RBFOX1: variants seen among roughly 807,000 people sequenced by gnomAD.
RBFOX1 encodes the protein RNA binding protein fox-1 homolog 1.
A neutral mutation model predicts 57.7 loss-of-function variants in RBFOX1; 8 were observed. The observed-to-expected ratio is 0.14, with a 90% CI of 0.08 to 0.25. The LOEUF (loss-of-function observed/expected upper bound fraction) is 0.25. Among genes scored for constraint, RBFOX1 ranks in the 10% least tolerant of loss-of-function variants. RBFOX1 has a pLI of 1.00. For synonymous variants in RBFOX1, 326 were observed against 222.4 expected, an observed-to-expected ratio of 1.47 and a Z score of -4.15; for missense variants, 611 against 548.5, an observed-to-expected ratio of 1.11 and a Z score of -1.14.
intron 2 of RBFOX1, among the ~76,000 whole-genome samples, chr16:6,454,934 A>C (rs2094729124): frequency 7.2e-6 from 1 of 138,870 alleles, no homozygotes; most frequent in South Asian, 2.3e-4. Context: ...CCCAGGCTGG[A>C]GTACAGCGGC....
rs188791419 is a variant in RBFOX1 at position 6,794,415 on chromosome 16, C to T, written c.-16+139765C>T. On this transcript the variant is annotated intron_variant, in intron 3 of 15. Transcript: ENST00000550418. ...AAAAATGGGGTTTAATTACCTGCTGCTTTTCTATTGCTCAGATTCCCTTCA... is the reference window on the plus strand; with the variant it reads ...AAAAATGGGGTTTAATTACCTGCTGTTTTTCTATTGCTCAGATTCCCTTCA... Among the ~76,000 whole-genome samples, 13 of 151,392 alleles carry T rather than the reference C, an allele frequency of 8.6e-5. No homozygotes were observed. In the East Asian group the frequency reaches 2.5e-3, roughly 30 times the overall value.
chr16:5,500,461 A>G (rs565476499), intron 2 of RBFOX1, among the ~76,000 whole-genome samples: 6 of 151,994 alleles, frequency 3.9e-5, no homozygotes, highest in Non-Finnish European at 7.4e-5. Context: ...GACTCACGCA[A>G]TCGTCCCGCC....
chr16:7,118,907 G>A (rs937792869), intron 4 of RBFOX1, among the ~76,000 whole-genome samples: 1 of 152,232 alleles, frequency 6.6e-6, no homozygotes, highest in South Asian at 2.1e-4. Context: ...TTGTTGTTCT[G>A]GTTATGATAT....
chr16:7,605,280 T>C (rs759681882), intron 9 of RBFOX1, among the ~76,000 whole-genome samples: 3 of 152,162 alleles, frequency 2.0e-5, no homozygotes, highest in Non-Finnish European at 2.9e-5. Context: ...ACTATAGAAA[T>C]TCTTATAAGG....
chr16:6,985,847 A>AAAAAAAAC (rs1275784453), intron 3 of RBFOX1, among the ~76,000 whole-genome samples: 2 of 120,446 alleles, frequency 1.7e-5, no homozygotes, highest in Non-Finnish European at 4.0e-5. Flanking sequence ...AAAAAAAAAA[A>AAAAAAAAC]CAGAATTTTT....
intron 4 of RBFOX1, among the ~76,000 whole-genome samples, chr16:7,486,426 G>A (rs1019188919): frequency 6.6e-6 from 1 of 151,960 alleles, no homozygotes; most frequent in Non-Finnish European, 1.5e-5. Context: ...TGTGAGCCAT[G>A]GTACCCGGCC....
intron 5 of RBFOX1, among the ~76,000 whole-genome samples, chr16:7,542,139 G>A (rs550286515): frequency 6.6e-6 from 1 of 152,270 alleles, no homozygotes; most frequent in African/African-American, 2.4e-5. Flanking sequence ...ACAAGGGCTG[G>A]AGCACAGAAC....
intron 3 of RBFOX1, among the ~76,000 whole-genome samples, chr16:5,806,099 G>T (rs1311913596): frequency 6.6e-6 from 1 of 152,060 alleles, no homozygotes; most frequent in Non-Finnish European, 1.5e-5. Context: ...AAATGGGAGG[G>T]CCTCTCATGT....
intron 2 of RBFOX1, among the ~76,000 whole-genome samples, chr16:6,636,788 A>ATGT (rs2098437738): frequency 1.1e-4 from 2 of 17,392 alleles, no homozygotes; most frequent in Non-Finnish European, 2.6e-4. Flanking sequence ...TATATAATAT[A>ATGT]TAATATATGT....
At chr16:5,974,143 T>C (rs2060015244) in intron 4 of RBFOX1, among the ~76,000 whole-genome samples, 1 of 152,212 alleles carries the variant, frequency 6.6e-6, no homozygotes, top group African/African-American at 2.4e-5. Flanking sequence ...TTGTTCTCTA[T>C]ATGGCCGTTG....
intron 5 of RBFOX1, among the ~76,000 whole-genome samples, chr16:7,564,252 C>T (rs899293415): frequency 6.6e-6 from 1 of 152,042 alleles, no homozygotes; most frequent in Non-Finnish European, 1.5e-5. Flanking sequence ...AGAAAAAAGG[C>T]ACTCAAGCCG....
At chr16:6,897,477 C>G (rs7188167) in intron 3 of RBFOX1, among the ~76,000 whole-genome samples, 3 of 152,106 alleles carry the variant, frequency 2.0e-5, no homozygotes, top group South Asian at 4.1e-4. Flanking sequence ...TGGCTTCCCA[C>G]TGTATTTAAG....
intron 2 of RBFOX1, among the ~76,000 whole-genome samples, chr16:6,583,498 C>T (rs905059998): frequency 1.3e-5 from 2 of 152,230 alleles, no homozygotes. Context: ...GAGGAAATAA[C>T]TAGAACTTTA....
At chr16:5,654,350 C>T (rs2049349116) in intron 3 of RBFOX1, among the ~76,000 whole-genome samples, 1 of 152,154 alleles carries the variant, frequency 6.6e-6, no homozygotes, top group African/African-American at 2.4e-5. Flanking sequence ...AGCCATTAAG[C>T]TGGAAATGGG....
chr16:7,499,751 T>A (rs77527834), intron 4 of RBFOX1, among the ~76,000 whole-genome samples: 2,201 of 152,272 alleles, frequency 0.014, 57 homozygotes, highest in African/African-American at 0.05. Context: ...GGTGGTGTTT[T>A]GAATTAGAAA....
intron 3 of RBFOX1, among the ~76,000 whole-genome samples, chr16:6,895,863 A>G (rs2066773418): frequency 6.6e-6 from 1 of 151,998 alleles, no homozygotes; most frequent in Non-Finnish European, 1.5e-5. Context: ...TAAAATGAAG[A>G]TCATCATAGT....
chr16:7,293,061 C>G (rs893093601), intron 4 of RBFOX1, among the ~76,000 whole-genome samples: 2 of 152,124 alleles, frequency 1.3e-5, no homozygotes, highest in African/African-American at 4.8e-5. Flanking sequence ...GTCGAGGGCA[C>G]TAGAATAGCC....
intron 3 of RBFOX1, among the ~76,000 whole-genome samples, chr16:5,802,463 T>C (rs778502593): frequency 1.2e-4 from 19 of 152,112 alleles, no homozygotes; most frequent in Admixed American, 5.9e-4. Flanking sequence ...TCAGGGGCCC[T>C]GGAAAGCTTA....
chr16:7,239,222 G>A (rs756274136), intron 4 of RBFOX1, among the ~76,000 whole-genome samples: 21 of 152,146 alleles, frequency 1.4e-4, no homozygotes, highest in Non-Finnish European at 2.6e-4. Flanking sequence ...GGATGCCCAG[G>A]AAAAGGTGGA....
Sources: allele counts gnomAD v4.1 joint callset (sites outside exome capture counted in the v4.1 genomes callset), GRCh38; gene constraint gnomAD v4.1.1; transcripts MANE v1.5; gene names NCBI Gene and HGNC (gene_info 2026-07-23, HGNC 2026-07-21).